The following PCDHGA8 variants were observed in gnomAD, a reference collection of about 807,000 sequenced individuals.
PCDHGA8 encodes protocadherin gamma subfamily A, 8.
PCDHGA8 carries 45 observed loss-of-function variants against 59.2 expected under a neutral mutation model. The observed-to-expected ratio is 0.76, with a 90% CI of 0.60 to 0.98. PCDHGA8 has a LOEUF of 0.98. Ranked by LOEUF, PCDHGA8 falls within the 50% of genes least tolerant of loss-of-function variation. The pLI is 0.00. For missense variants in PCDHGA8, 1,257 were observed against 1,196.2 expected, an observed-to-expected ratio of 1.05 and a Z score of -0.75; for synonymous variants, 531 against 519.0, an observed-to-expected ratio of 1.02 and a Z score of -0.32.
chr5:141,471,658 G>T (rs1354815239), intron 1 of PCDHGA8: 1 of 152,106 alleles, frequency 6.6e-6, no homozygotes, highest in Admixed American at 6.5e-5. Flanking sequence ...ATGTGGGGAT[G>T]CAGAAAAAAA....
rs556749112 is a variant in PCDHGA8, at chr5:141,393,337, A to G, written c.524A>G (p.Asn175Ser). 28 of 1,613,772 alleles carry G rather than the reference A, an allele frequency of 1.7e-5. No homozygotes were observed. The highest frequency in any genetic ancestry group is 5.3e-5 in the African/African-American group (4 of 74,948). The change falls in exon 1 of 4, where the codon AAT becomes AGT. Residue 175 changes from asparagine to serine, a missense_variant. Asn to Ser is a conservative substitution (Grantham distance 46). Transcript: ENST00000398604. ...NSLQSYQLSP[N>S]HHFSLDVQTG... ...CTCCAGAGCTACCAGCTCAGCCCCA[A>G]TCACCACTTCTCCCTGGACGTGCAG...
At chr5:141,404,521 G>A in intron 1 of PCDHGA8, 2 of 1,613,976 alleles carry the variant, frequency 1.2e-6, no homozygotes, top group Non-Finnish European at 1.7e-6. Flanking sequence ...TTGACTATGA[G>A]CAGTTTAGAG....
At position 141,489,088 on chromosome 5, in the gene PCDHGA8, GAC is replaced by G; in HGVS notation, c.2425-5718_2425-5717del. 5.8e-6 allele frequency: 2 copies of G among 347,236 alleles called. No homozygotes were observed. The highest frequency in any genetic ancestry group is 4.7e-5 in the East Asian group (1 of 21,502). The allele number at this position is 347,236 out of a possible 1,614,324, so 21.5% of individuals were successfully genotyped here. A position where few individuals can be genotyped will look rare whatever the true frequency, so the allele number is the denominator to read the frequency against. ...CCCCTGCCCACCCCCGCCACTCGGT[GAC>G]TAAGAACTGCTGCAAGCAGGCAAAC... On this transcript the variant is annotated intron_variant, in intron 1 of 3. Transcript: ENST00000398604. The surrounding 1 kb of genome is among the most constrained non-coding windows in gnomAD (Gnocchi z 4.5).
intron 1 of PCDHGA8, chr5:141,403,562 G>A (rs2094421705): frequency 6.2e-7 from 1 of 1,613,980 alleles, no homozygotes; most frequent in Non-Finnish European, 8.5e-7. Context: ...GGACAGGGAG[G>A]AGGCAACTGC....
rs748017565 is a variant in PCDHGA8 at position 141,477,404 on chromosome 5, C to G, written c.2425-17403C>G. ...AGAATACAACCTCAGCATCACCGCCCGAGACGCCGGAACCCCTTCCCTCTC... is the reference window on the plus strand; with the variant it reads ...AGAATACAACCTCAGCATCACCGCCGGAGACGCCGGAACCCCTTCCCTCTC... On this transcript the variant is annotated intron_variant, in intron 1 of 3. Coordinates refer to ENST00000398604, the MANE Select transcript of PCDHGA8 (RefSeq NM_032088.2). The surrounding 1 kb of genome is among the most constrained non-coding windows in gnomAD (Gnocchi z 4.9). The G allele has an allele frequency of 1.9e-6, 3 of 1,614,042 alleles. No homozygotes were observed. Among genetic ancestry groups the G allele is most frequent in the African/African-American group, 1.3e-5 (1 of 74,902 alleles).
At chr5:141,440,887 G>C (rs1423303973) in intron 1 of PCDHGA8, 4 of 152,206 alleles carry the variant, frequency 2.6e-5, no homozygotes, top group Non-Finnish European at 5.9e-5. Context: ...TCGGCCTTCA[G>C]GAAGATGTGC....
rs1484954022 is a variant in PCDHGA8 at position 141,511,920 on chromosome 5, T to C, written c.*747T>C. 1 of 156,200 alleles carries C rather than the reference T, an allele frequency of 6.4e-6. No individual in the cohort carries two copies. Among genetic ancestry groups the C allele is most frequent in the Non-Finnish European group, 1.4e-5 (1 of 70,262 alleles). The allele number at this position is 156,200 out of a possible 1,614,324, so 9.7% of individuals were successfully genotyped here. The stretch of plus-strand genomic sequence containing the variant: ...CTCCTCCTCAAACAAGAGACTCCAC[T>C]GCATGTTCCAAGACAGTATGGGGTG... On this transcript the variant is annotated 3_prime_UTR_variant, in exon 4 of 4. Coordinates refer to ENST00000398604, the MANE Select transcript of PCDHGA8 (RefSeq NM_032088.2).
At chr5:141,494,922 C>T (rs1401836511) in intron 2 of PCDHGA8, 57 bp downstream of exon 2, 23 of 1,613,670 alleles carry the variant, frequency 1.4e-5, no homozygotes, top group Non-Finnish European at 1.9e-5. Flanking sequence ...TCAGGGATGA[C>T]GTGGGAGGAG....
chr5:141,402,108 A>T (rs2094226699), intron 1 of PCDHGA8, among the ~76,000 whole-genome samples: 1 of 152,218 alleles, frequency 6.6e-6, no homozygotes, highest in African/African-American at 2.4e-5. Context: ...CAATTACAAA[A>T]ATGTGAAAAT....
rs1304361659 is a variant in PCDHGA8 at position 141,494,859 on chromosome 5, C to T, written c.2477C>T (p.Thr826Ile). 2 of 1,614,134 alleles carry T rather than the reference C, an allele frequency of 1.2e-6. No individual in the cohort carries two copies. The highest frequency in any genetic ancestry group is 8.5e-7 in the Non-Finnish European group (1 of 1,180,012). Reference protein sequence around the residue: ...WRFSQAQRPGTSGSQNGDDTG... With the variant: ...WRFSQAQRPGISGSQNGDDTG... Reference sequence around the variant, plus strand: ...TTCTCTCAGGCCCAGAGACCCGGCACCAGCGGGTAGGTGACTGATTCTCCA... The same window carrying T: ...TTCTCTCAGGCCCAGAGACCCGGCATCAGCGGGTAGGTGACTGATTCTCCA... Residue 826 changes from threonine to isoleucine, a missense_variant, in exon 2 of 4, where the codon ACC becomes ATC. By Grantham distance (89) the Thr-to-Ile change is moderately conservative. Coordinates refer to ENST00000398604, the MANE Select transcript of PCDHGA8 (RefSeq NM_032088.2).
At chr5:141,496,172 T>C (rs942740022) in intron 2 of PCDHGA8, among the ~76,000 whole-genome samples, 1 of 151,672 alleles carries the variant, frequency 6.6e-6, no homozygotes, top group Non-Finnish European at 1.5e-5. Context: ...CACCCTCCCA[T>C]CCAAGCAGCC....
At chr5:141,408,978 C>A (rs1444971938) in intron 1 of PCDHGA8, 1 of 1,613,862 alleles carries the variant, frequency 6.2e-7, no homozygotes, top group African/African-American at 1.3e-5. Context: ...CCCCCTGGGT[C>A]CCCTGTGTTG....
intron 1 of PCDHGA8, chr5:141,423,314 T>C: frequency 6.2e-7 from 1 of 1,614,178 alleles, no homozygotes; most frequent in Non-Finnish European, 8.5e-7. Context: ...TACTTGGTGG[T>C]GGCGGTGGCC....
rs777115265 is a variant in PCDHGA8, at chr5:141,485,247, G to C, written c.2425-9560G>C. ...CTTTTGTTCCTCTTTTACCACCTGG[G>C]TTACGTTTGTGGGCAGATCCGCTAC... On this transcript the variant is annotated intron_variant, in intron 1 of 3. Coordinates refer to ENST00000398604, the MANE Select transcript of PCDHGA8 (RefSeq NM_032088.2). This position sits in a 1 kb window ranked among gnomAD's most constrained non-coding sequence, Gnocchi z 5.7. 8.7e-6 allele frequency: 14 copies of C among 1,614,156 alleles called. No homozygotes were observed. In the African/African-American group the frequency reaches 1.6e-4, roughly 18 times the overall value.
rs375589587 is a variant in PCDHGA8, at chr5:141,393,479, C to A, written c.666C>A (p.Arg222=). 6.2e-7 allele frequency: 1 copy of A among 1,613,940 alleles called. No homozygotes were observed. The highest frequency in any genetic ancestry group is 8.5e-7 in the Non-Finnish European group (1 of 1,179,920). ...LTASDGGKPP[R]SSTVRIHVTV... ...CCTCGGATGGCGGCAAGCCGCCTCGCTCTAGCACAGTGCGCATCCACGTGA... is the reference window on the plus strand; with the variant it reads ...CCTCGGATGGCGGCAAGCCGCCTCGATCTAGCACAGTGCGCATCCACGTGA... The change falls in exon 1 of 4, where the codon CGC becomes CGA. Residue 222 remains arginine (R), a synonymous_variant. Transcript: ENST00000398604.
chr5:141,397,909 T>G lies in PCDHGA8; in HGVS notation c.2424+2672T>G, dbSNP rs1004406261. On this transcript the variant is annotated intron_variant, in intron 1 of 3. Coordinates refer to ENST00000398604, the MANE Select transcript of PCDHGA8 (RefSeq NM_032088.2). Reference sequence around the variant, plus strand: ...TTGGCCAAAGTGCAGAGCTTGGCGCTCCAGATCTCCTCGCGCAGCCGCAGC... The same window carrying G: ...TTGGCCAAAGTGCAGAGCTTGGCGCGCCAGATCTCCTCGCGCAGCCGCAGC... 114 of 677,396 alleles carry G rather than the reference T, an allele frequency of 1.7e-4. No individual in the cohort carries two copies. In the East Asian group the frequency reaches 2.8e-3, roughly 17 times the overall value. The allele number at this position is 677,396 out of a possible 1,614,324, so 42.0% of individuals were successfully genotyped here. A position where few individuals can be genotyped will look rare whatever the true frequency, so the allele number is the denominator to read the frequency against.
chr5:141,453,784 G>T (rs767312144), intron 1 of PCDHGA8, among the ~76,000 whole-genome samples: 47 of 152,298 alleles, frequency 3.1e-4, no homozygotes, highest in Non-Finnish European at 5.6e-4. Flanking sequence ...AGTTACCATG[G>T]TATATTAACT....
At chr5:141,415,490 T>C in intron 1 of PCDHGA8, 2 of 1,614,228 alleles carry the variant, frequency 1.2e-6, no homozygotes, top group Admixed American at 3.3e-5. Flanking sequence ...AAGAGTCACC[T>C]GATCTTCCCC....
Position 141,489,111 on chromosome 5 carries a change from C to T in PCDHGA8, c.2425-5696C>T. The T allele has an allele frequency of 1.9e-6, 1 of 518,040 alleles. No individual in the cohort carries two copies. Among genetic ancestry groups the T allele is most frequent in the African/African-American group, 1.9e-5 (1 of 51,336 alleles). The allele number at this position is 518,040 out of a possible 1,614,324, so 32.1% of individuals were successfully genotyped here. ...GTGACTAAGAACTGCTGCAAGCAGG[C>T]AAACCTCCGAGCAGTTTTTAAGAGG... On this transcript the variant is annotated intron_variant, in intron 1 of 3. Transcript: ENST00000398604. This position sits in a 1 kb window ranked among gnomAD's most constrained non-coding sequence, Gnocchi z 4.5.
Sources: allele counts gnomAD v4.1 joint callset (sites outside exome capture counted in the v4.1 genomes callset), GRCh38; gene constraint gnomAD v4.1.1; non-coding constraint Gnocchi (gnomAD v3.1); transcripts MANE v1.5; gene names NCBI Gene and HGNC (gene_info 2026-07-23, HGNC 2026-07-21).